Variants in HIPK1 observed in about 807,000 individuals in gnomAD.
HIPK1 encodes homeodomain interacting protein kinase 1.
Under a neutral mutation model 117.1 loss-of-function variants are expected in HIPK1, and 28 were observed. The observed-to-expected ratio is 0.24, with a 90% CI of 0.18 to 0.33. HIPK1 has a LOEUF of 0.33. Ranked by LOEUF, HIPK1 falls within the 10% of genes least tolerant of loss-of-function variation. The pLI, the probability that HIPK1 is intolerant of heterozygous loss-of-function variation, is 1.00. For synonymous variants in HIPK1, 605 were observed against 562.5 expected (o/e 1.08, Z -1.07); for missense variants, 1,122 against 1,475.1 (o/e 0.76, Z 3.92).
rs949283665 is a variant in HIPK1 at position 113,976,273 on chromosome 1, C to T, written c.*2761C>T. The T allele has an allele frequency of 1.3e-5, 2 of 152,396 alleles. No individual in the cohort carries two copies. The highest frequency in any genetic ancestry group is 4.8e-5 in the African/African-American group (2 of 41,442). The allele number at this position is 152,396 out of a possible 1,614,324, so 9.4% of individuals were successfully genotyped here. A position where few individuals can be genotyped will look rare whatever the true frequency, so the allele number is the denominator to read the frequency against. ...GCCAAGCAGTTTGTATAATTTCTGT[C>T]ACTAGTGTCATACAGTTTTCTGGTC... On this transcript the variant is annotated 3_prime_UTR_variant, in exon 16 of 16. Coordinates refer to ENST00000426820, the MANE Select transcript of HIPK1 (RefSeq NM_198268.3).
In HIPK1 at chr1:113,929,681, A is replaced by G. The variant is rs914281229; in HGVS notation, c.-3+149A>G. On this transcript the variant is annotated intron_variant, in intron 1 of 15. Coordinates refer to ENST00000426820, the MANE Select transcript of HIPK1 (RefSeq NM_198268.3). ...CCCGGCGGTAGCCCCGGACGGCAGC[A>G]GGAGGCCGAGGCGGGAGCGCGCGGG... is the stretch of plus-strand genomic sequence containing the variant. 42 of 864,530 alleles carry G rather than the reference A, an allele frequency of 4.9e-5. No homozygotes were observed. In the African/African-American group the frequency reaches 6.2e-4, roughly 13 times the overall value. 53.6% of individuals were successfully genotyped at this position (864,530 alleles called of 1,614,324 possible). A position where few individuals can be genotyped will look rare whatever the true frequency, so the allele number is the denominator to read the frequency against.
At chr1:113,950,466 C>T (rs994239447) in intron 2 of HIPK1, among the ~76,000 whole-genome samples, 7 of 152,106 alleles carry the variant, frequency 4.6e-5, no homozygotes, top group African/African-American at 1.7e-4. Context: ...TGATCCAGTG[C>T]CTAAGAGCTG....
intron 1 of HIPK1, among the ~76,000 whole-genome samples, chr1:113,932,501 C>G (rs1262639993): frequency 7.1e-6 from 1 of 140,608 alleles, no homozygotes; most frequent in Non-Finnish European, 1.6e-5. Flanking sequence ...TCCTAAGTAG[C>G]TAGGACTACA....
Position 113,962,311 on chromosome 1 carries a change from C to A in HIPK1, c.1982-6C>A. ...AACTATTTAACTGTGATGCTGTTTT[C>A]AATAGCTGGACTACAAGCAACAACA... On this transcript the variant is annotated splice_region_variant and splice_polypyrimidine_tract_variant and intron_variant, in intron 8 of 15. Transcript: ENST00000426820. 6.2e-7 allele frequency: 1 copy of A among 1,612,848 alleles called. No homozygotes were observed. Among genetic ancestry groups the A allele is most frequent in the Non-Finnish European group, 8.5e-7 (1 of 1,179,296 alleles).
At chr1:113,938,359 C>G (rs891943433) in intron 1 of HIPK1, among the ~76,000 whole-genome samples, 2 of 151,764 alleles carry the variant, frequency 1.3e-5, no homozygotes, top group African/African-American at 4.8e-5. Context: ...CCTGCCTGGG[C>G]CTCCCAAAGT....
At chr1:113,944,159 G>GGT (rs369093003) in intron 2 of HIPK1, among the ~76,000 whole-genome samples, 2 of 55,218 alleles carry the variant, frequency 3.6e-5, no homozygotes, top group Admixed American at 2.6e-4. Flanking sequence ...ATAGCCATGG[G>GGT]TTTTTTTTTT....
intron 2 of HIPK1, among the ~76,000 whole-genome samples, chr1:113,950,819 G>A (rs1451855590): frequency 6.6e-6 from 1 of 152,126 alleles, no homozygotes; most frequent in Non-Finnish European, 1.5e-5. Context: ...CCATCTTTTA[G>A]TAGTTATGTA....
intron 10 of HIPK1, 77 bp downstream of exon 10, chr1:113,963,598 T>C: frequency 2.0e-6 from 3 of 1,528,344 alleles, no homozygotes; most frequent in Non-Finnish European, 2.6e-6. Context: ...CTGTTTGTTT[T>C]TGTTCTGTTT....
rs1178769527 is a variant in HIPK1, at chr1:113,974,831, T to TA, written c.*1320dup. 1 of 152,790 alleles carries TA rather than the reference T, an allele frequency of 6.5e-6. No homozygotes were observed. The highest frequency in any genetic ancestry group is 1.5e-5 in the Non-Finnish European group (1 of 68,042). 9.5% of individuals were successfully genotyped at this position (152,790 alleles called of 1,614,324 possible). ...AATTTTTCCTGCTAACCCAAAATGT[T>TA]ATTTGTAATCAAATGTGTAGTGATT... On this transcript the variant is annotated 3_prime_UTR_variant, in exon 16 of 16. Transcript: ENST00000426820.
chr1:113,965,903 C>A (rs905578890), intron 10 of HIPK1, among the ~76,000 whole-genome samples: 2 of 152,140 alleles, frequency 1.3e-5, no homozygotes, highest in South Asian at 2.1e-4. Flanking sequence ...TCTTTAATAC[C>A]CGGGTGGTCA....
intron 2 of HIPK1, among the ~76,000 whole-genome samples, chr1:113,942,730 A>G (rs990045212): frequency 2.0e-5 from 3 of 152,186 alleles, no homozygotes; most frequent in African/African-American, 4.8e-5. Flanking sequence ...AAATGCTGAT[A>G]TATACAATTT....
chr1:113,972,213 T>C (rs1672885075), intron 15 of HIPK1: 7 of 962,452 alleles, frequency 7.3e-6, no homozygotes, highest in South Asian at 1.8e-5. Flanking sequence ...ACGTCTGGGA[T>C]TTAGAAAGAG....
At chr1:113,937,974 T>G (rs1274142007) in intron 1 of HIPK1, among the ~76,000 whole-genome samples, 1 of 151,012 alleles carries the variant, frequency 6.6e-6, no homozygotes, top group Admixed American at 6.6e-5. Context: ...TGAGACAGGT[T>G]TTTTTTTTGA....
intron 10 of HIPK1, among the ~76,000 whole-genome samples, chr1:113,964,799 T>A (rs1361414942): frequency 6.6e-6 from 1 of 152,248 alleles, no homozygotes; most frequent in Non-Finnish European, 1.5e-5. Context: ...GAGGTTGGAA[T>A]GTTAGTTGAC....
chr1:113,932,281 A>G (rs755591338), intron 1 of HIPK1: 1 of 151,966 alleles, frequency 6.6e-6, no homozygotes, highest in Non-Finnish European at 1.5e-5. Flanking sequence ...GTGCTTTCCC[A>G]GAGTGCTTAA....
intron 7 of HIPK1, 107 bp downstream of exon 7, chr1:113,957,393 C>T: frequency 1.2e-6 from 1 of 803,728 alleles, no homozygotes; most frequent in Non-Finnish European, 2.0e-6. Flanking sequence ...CTTGTTGCTT[C>T]TTAGAAATTC....
At chr1:113,932,250 T>C (rs891226390) in intron 1 of HIPK1, 1 of 152,182 alleles carries the variant, frequency 6.6e-6, no homozygotes, top group Admixed American at 6.5e-5. Context: ...TCTTTTAGAT[T>C]CTTTAAGGGT....
chr1:113,955,506 TA>T, intron 4 of HIPK1, 56 bp from the exon 5 acceptor site: 2 of 1,094,014 alleles, frequency 1.8e-6, no homozygotes, highest in Non-Finnish European at 2.7e-6. Context: ...TGGTTTTGAA[TA>T]AAATGTGAAA....
In HIPK1 at chr1:113,970,210, T is replaced by G; in HGVS notation, c.3013+13T>G. The G allele has an allele frequency of 1.2e-6, 2 of 1,613,114 alleles. No homozygotes were observed. The highest frequency in any genetic ancestry group is 1.7e-6 in the Non-Finnish European group (2 of 1,179,092). ...ACCCAGGCCTCAGGTCAGTGTTATC[T>G]TCACAGCTTGAGTTGAATTCTCCTT... On this transcript the variant is annotated intron_variant, in intron 14 of 15. Transcript: ENST00000426820.
Sources: allele counts gnomAD v4.1 joint callset (sites outside exome capture counted in the v4.1 genomes callset), GRCh38; gene constraint gnomAD v4.1.1; transcripts MANE v1.5; gene names NCBI Gene and HGNC (gene_info 2026-07-23, HGNC 2026-07-21).